SDR9C7: variants seen among roughly 807,000 people sequenced by gnomAD.
The protein encoded by SDR9C7 is short chain dehydrogenase/reductase family 9C member 7.
In SDR9C7, 11 loss-of-function variants were observed where a neutral mutation model predicts 23.6. The observed-to-expected ratio is 0.47, with a 90% CI of 0.29 to 0.77. SDR9C7 has a LOEUF of 0.77. Ranked by LOEUF, SDR9C7 falls within the 30% of genes least tolerant of loss-of-function variation. The probability of loss-of-function intolerance (pLI) is 0.09; values close to 1 mark genes in which losing one functional copy is unlikely to be tolerated. For synonymous variants in SDR9C7, 167 were observed against 157.3 expected, an observed-to-expected ratio of 1.06 and a Z score of -0.46; for missense variants, 387 against 407.1, an observed-to-expected ratio of 0.95 and a Z score of 0.42.
chr12:56,932,625 A>T (rs1231708715), intron 1 of SDR9C7, among the ~76,000 whole-genome samples: 3 of 152,194 alleles, frequency 2.0e-5, no homozygotes, highest in African/African-American at 7.2e-5. Context: ...GAATGTAGGG[A>T]ACTGGCTGAG....
At chr12:56,924,576 T>A (rs1197706159) in intron 3 of SDR9C7, among the ~76,000 whole-genome samples, 2 of 152,228 alleles carry the variant, frequency 1.3e-5, no homozygotes, top group African/African-American at 4.8e-5. Flanking sequence ...GCTTATTAGT[T>A]ATATGACTTT....
Position 56,929,394 on chromosome 12 carries a change from G to A in SDR9C7, c.720C>T (p.Arg240=). 1 of 1,597,456 alleles carries A rather than the reference G, an allele frequency of 6.3e-7. No homozygotes were observed. ...TCTCCTGCCCCAGGAACTTACAGAT[G>A]CGGAAATAATCCTCTCCGTAGCTGT... ...TRDSYGEDYF[R]IYTDKLKNIM... is the part of the protein sequence containing the mutation. Residue 240 remains arginine (R), a synonymous_variant, in exon 3 of 4, where the codon CGC becomes CGT. Coordinates refer to ENST00000293502, the MANE Select transcript of SDR9C7 (RefSeq NM_148897.3).
At chr12:56,930,022 C>T (rs182116790) in intron 2 of SDR9C7, among the ~76,000 whole-genome samples, 122 of 152,314 alleles carry the variant, frequency 8.0e-4, no homozygotes, top group Middle Eastern at 3.4e-3. Flanking sequence ...GGAAGGCCCA[C>T]CTGATGCCTT....
At chr12:56,928,381 A>G (rs183015859) in intron 3 of SDR9C7, among the ~76,000 whole-genome samples, 7 of 152,242 alleles carry the variant, frequency 4.6e-5, no homozygotes, top group African/African-American at 1.4e-4. Context: ...CCCCTTCACC[A>G]TAGTCTGAAT....
In SDR9C7 at chr12:56,933,901, G is replaced by A. The variant is rs138588612; in HGVS notation, c.301+60C>T. 4.9e-4 allele frequency: 763 copies of A among 1,542,814 alleles called. 1 individual carries two copies. The African/African-American group carries it at 8.7e-3, about 18-fold the overall frequency. ...GGTCTCTGATACTGTCAGATGCTTC[G>A]GGAGAGAGGAAGAGGAAGAAGGAGA... On this transcript the variant is annotated intron_variant, in intron 1 of 3. Transcript: ENST00000293502.
At chr12:56,929,357 C>T (rs1955752755) in intron 3 of SDR9C7, 33 bp downstream of exon 3, 2 of 1,589,280 alleles carry the variant, frequency 1.3e-6, no homozygotes, top group South Asian at 1.1e-5. Context: ...ACTCGCCCCC[C>T]TCAGAGACCC....
At chr12:56,925,020 T>A (rs1955724399) in intron 3 of SDR9C7, among the ~76,000 whole-genome samples, 1 of 152,110 alleles carries the variant, frequency 6.6e-6, no homozygotes, top group South Asian at 2.1e-4. Context: ...AGCCCTTTTT[T>A]TTTTCTTCTA....
intron 1 of SDR9C7, among the ~76,000 whole-genome samples, chr12:56,931,013 C>T (rs1955765324): frequency 6.6e-6 from 1 of 152,106 alleles, no homozygotes; most frequent in Non-Finnish European, 1.5e-5. Context: ...GGGAGGATCA[C>T]TTGAGGCCAG....
chr12:56,927,940 T>C (rs185143604), intron 3 of SDR9C7, among the ~76,000 whole-genome samples: 3 of 152,366 alleles, frequency 2.0e-5, no homozygotes, highest in Non-Finnish European at 4.4e-5. Flanking sequence ...CATTGGATCT[T>C]CTGTCACTGA....
chr12:56,926,572 C>T (rs1313202015), intron 3 of SDR9C7, among the ~76,000 whole-genome samples: 1 of 152,216 alleles, frequency 6.6e-6, no homozygotes, highest in Non-Finnish European at 1.5e-5. Flanking sequence ...AAGGTTTGTT[C>T]AGCTCTTACT....
At chr12:56,929,278 G>T in intron 3 of SDR9C7, 112 bp downstream of exon 3, 1 of 1,032,000 alleles carries the variant, frequency 9.7e-7, no homozygotes. Context: ...TGTGACCTTG[G>T]GTCCTGAACT....
rs373371562 is a variant in SDR9C7, at chr12:56,934,130, C to G, written c.132G>C (p.Gln44His). 2 of 1,614,234 alleles carry G rather than the reference C, an allele frequency of 1.2e-6. No homozygotes were observed. The highest frequency in any genetic ancestry group is 1.7e-6 in the Non-Finnish European group (2 of 1,180,046). ...GCACCTGCATGCCCCGATCAACCAG[C>G]TGTTTGGCCAGCAGGTTCCCGAAGC... is the stretch of plus-strand genomic sequence containing the variant. ...DSGFGNLLAK[Q>H]LVDRGMQVLA... The change falls in exon 1 of 4, where the codon CAG becomes CAC. Residue 44 changes from glutamine to histidine, a missense_variant. Gln to His is a conservative substitution (Grantham distance 24). Coordinates refer to ENST00000293502, the MANE Select transcript of SDR9C7 (RefSeq NM_148897.3).
rs75215753 is a variant in SDR9C7 at position 56,924,989 on chromosome 12, G to T, written c.725-939C>A. 3.8e-3 allele frequency among the ~76,000 whole-genome samples: 571 copies of T among 152,120 alleles called. 3 individuals are homozygous for T. Among genetic ancestry groups the T allele is most frequent in the African/African-American group, 0.013 (523 of 41,512 alleles). ...GGGTAGACACTGGGGGAGTACAGAA[G>T]AGCAAACATGATGGGAAAACAGCCC... On this transcript the variant is annotated intron_variant, in intron 3 of 3. Coordinates refer to ENST00000293502, the MANE Select transcript of SDR9C7 (RefSeq NM_148897.3).
chr12:56,924,254 C>A (rs1340350706), intron 3 of SDR9C7, among the ~76,000 whole-genome samples: 2 of 152,030 alleles, frequency 1.3e-5, no homozygotes, highest in Non-Finnish European at 2.9e-5. Context: ...CATGGTGAAA[C>A]CCCATCTCTA....
intron 3 of SDR9C7, among the ~76,000 whole-genome samples, chr12:56,924,530 G>A (rs1208495824): frequency 6.6e-6 from 1 of 152,344 alleles, no homozygotes; most frequent in East Asian, 1.9e-4. Flanking sequence ...GACTGGTGAT[G>A]AGAAGAACTG....
In SDR9C7 at chr12:56,923,767, G is replaced by T. The variant is rs1955713642; in HGVS notation, c.*66C>A. The T allele has an allele frequency of 1.1e-5, 14 of 1,302,104 alleles. No homozygotes were observed. The South Asian group carries it at 2.0e-4, about 19-fold the overall frequency. The allele number at this position is 1,302,104 out of a possible 1,614,324, so 80.7% of individuals were successfully genotyped here. ...CCCAGGATAACCGATACCACCTTTT[G>T]TGACCCCACGGTCCTTCCTTCCTCC... On this transcript the variant is annotated 3_prime_UTR_variant, in exon 4 of 4. Transcript: ENST00000293502.
At chr12:56,928,757 T>C (rs137985929) in intron 3 of SDR9C7, among the ~76,000 whole-genome samples, 1,707 of 152,246 alleles carry the variant, frequency 0.011, 36 homozygotes, top group African/African-American at 0.038. Context: ...GGCAGCAGGG[T>C]AAACAGCTGC....
In SDR9C7 at chr12:56,930,230, T is replaced by A. The variant is rs759018981; in HGVS notation, c.556A>T (p.Ile186Leu). 4 of 1,614,088 alleles carry A rather than the reference T, an allele frequency of 2.5e-6. No individual in the cohort carries two copies. Among genetic ancestry groups the A allele is most frequent in the Non-Finnish European group, 3.4e-6 (4 of 1,179,994 alleles). ...TCAGTACCAGGGCCCAGTTACCTTA[T>A]GCTGTCAGAGAAGGCCTCAACGCCA... Reference protein sequence around the residue: ...KFGVEAFSDSIRRELYYFGVK... With the variant: ...KFGVEAFSDSLRRELYYFGVK... The change falls in exon 2 of 4, where the codon ATA becomes TTA. Residue 186 changes from isoleucine (I) to leucine (L), a missense_variant. Transcript: ENST00000293502.
intron 1 of SDR9C7, among the ~76,000 whole-genome samples, chr12:56,933,271 C>G (rs190835258): frequency 6.6e-6 from 1 of 152,240 alleles, no homozygotes; most frequent in African/African-American, 2.4e-5. Context: ...CCCCCTCCCC[C>G]ATCCTGATCC....
Sources: allele counts gnomAD v4.1 joint callset (sites outside exome capture counted in the v4.1 genomes callset), GRCh38; gene constraint gnomAD v4.1.1; transcripts MANE v1.5; gene names NCBI Gene and HGNC (gene_info 2026-07-23, HGNC 2026-07-21).